Variants in HOMER1 observed in about 807,000 individuals in gnomAD.
The protein encoded by HOMER1 is homer scaffold protein 1.
In HOMER1, 3 loss-of-function variants were observed where a neutral mutation model predicts 48.9. The observed-to-expected ratio is 0.06, with a 90% CI of 0.03 to 0.16. HOMER1 has a LOEUF of 0.16. Among genes scored for constraint, HOMER1 ranks in the 10% least tolerant of loss-of-function variants. The pLI is 1.00. For missense variants in HOMER1, 247 were observed against 411.4 expected (o/e 0.60, Z 3.46); for synonymous variants, 134 against 146.4 (o/e 0.92, Z 0.61).
intron 1 of HOMER1, among the ~76,000 whole-genome samples, chr5:79,472,951 C>G (rs952409763): frequency 6.6e-6 from 1 of 152,188 alleles, no homozygotes; most frequent in Non-Finnish European, 1.5e-5. Context: ...TCAGAATTAT[C>G]TCTGCAGTAT....
At chr5:79,504,435 A>G (rs183708035) in intron 1 of HOMER1, among the ~76,000 whole-genome samples, 2 of 151,628 alleles carry the variant, frequency 1.3e-5, no homozygotes, top group East Asian at 3.9e-4. Flanking sequence ...GGGCACAGAA[A>G]GGTAAAGGGA....
chr5:79,442,520 G>A (rs1303046384), intron 4 of HOMER1, among the ~76,000 whole-genome samples: 1 of 152,196 alleles, frequency 6.6e-6, no homozygotes, highest in Non-Finnish European at 1.5e-5. Flanking sequence ...ATGGGCTGGG[G>A]AGGTACGCAG....
intron 5 of HOMER1, among the ~76,000 whole-genome samples, chr5:79,428,145 A>G (rs1035097911): frequency 2.8e-4 from 42 of 152,222 alleles, no homozygotes; most frequent in Non-Finnish European, 4.6e-4. Flanking sequence ...AGAAATAAAC[A>G]TAAGAAAGCA....
chr5:79,510,459 C>G, intron 1 of HOMER1: 1 of 685,952 alleles, frequency 1.5e-6, no homozygotes, highest in South Asian at 1.4e-5. Flanking sequence ...AACCACACCA[C>G]ACACAACCAG....
At chr5:79,384,869 C>T (rs1469652546) in intron 8 of HOMER1, among the ~76,000 whole-genome samples, 1 of 151,842 alleles carries the variant, frequency 6.6e-6, no homozygotes, top group Non-Finnish European at 1.5e-5. Context: ...ATGATACATC[C>T]CATCAACAGA....
chr5:79,379,318 AT>A (rs1210973017), intron 8 of HOMER1, among the ~76,000 whole-genome samples: 1 of 109,520 alleles, frequency 9.1e-6, no homozygotes, highest in African/African-American at 3.7e-5. Flanking sequence ...ATATAAATAT[AT>A]AAATATTTAT....
chr5:79,466,498 A>AT (rs1751468467), intron 1 of HOMER1, among the ~76,000 whole-genome samples: 1 of 138,332 alleles, frequency 7.2e-6, no homozygotes, highest in Admixed American at 7.9e-5. Flanking sequence ...CCCTGTCTCA[A>AT]AAATAATAAT....
intron 4 of HOMER1, among the ~76,000 whole-genome samples, chr5:79,445,297 T>C (rs1438303644): frequency 6.6e-6 from 1 of 152,094 alleles, no homozygotes; most frequent in Non-Finnish European, 1.5e-5. Flanking sequence ...AAACAATTAC[T>C]ACAGAGGAGA....
At chr5:79,423,683 G>A (rs1034549673) in intron 5 of HOMER1, among the ~76,000 whole-genome samples, 22 of 152,204 alleles carry the variant, frequency 1.4e-4, no homozygotes, top group African/African-American at 4.8e-4. Context: ...ATGGAAGGCC[G>A]TAGGTGGACA....
rs190682524 is a variant in HOMER1, at chr5:79,484,004, C to A, written c.6-26986G>T. Among the ~76,000 whole-genome samples, 18 of 142,438 alleles carry A rather than the reference C, an allele frequency of 1.3e-4. No individual in the cohort carries two copies. In the Admixed American group the frequency reaches 1.4e-3, roughly 11 times the overall value. 93.4% of individuals were successfully genotyped at this position (142,438 alleles called of 152,430 possible). On this transcript the variant is annotated intron_variant, in intron 1 of 8. Coordinates refer to ENST00000334082, the MANE Select transcript of HOMER1 (RefSeq NM_004272.5). ...GAGGTTGCAATGAGCCAAGATCATG[C>A]CACTGCACTCCAGCCTGGGCAACAG...
At chr5:79,474,782 G>A (rs1050382747) in intron 1 of HOMER1, among the ~76,000 whole-genome samples, 4 of 152,004 alleles carry the variant, frequency 2.6e-5, no homozygotes, top group African/African-American at 7.3e-5. Context: ...AAACTGAAAG[G>A]TTACAGATCT....
intron 1 of HOMER1, among the ~76,000 whole-genome samples, chr5:79,505,121 T>A (rs1210089191): frequency 6.6e-6 from 1 of 151,982 alleles, no homozygotes; most frequent in Non-Finnish European, 1.5e-5. Context: ...ATTAGCCAGG[T>A]GTGGTGGTGC....
In HOMER1 at chr5:79,372,954, C is replaced by T. The variant is rs376335312; in HGVS notation, c.*3055G>A. The T allele has an allele frequency of 5.9e-5, 9 of 152,114 alleles. No individual in the cohort carries two copies. In the East Asian group the frequency reaches 1.5e-3, roughly 26 times the overall value. 9.4% of individuals were successfully genotyped at this position (152,114 alleles called of 1,614,324 possible). A position where few individuals can be genotyped will look rare whatever the true frequency, so the allele number is the denominator to read the frequency against. ...TCCCAACAGTTCAATGACAGCAGAA[C>T]ATCAAATCTATGATGGTGCTGGAGA... is the stretch of plus-strand genomic sequence containing the variant. On this transcript the variant is annotated 3_prime_UTR_variant, in exon 9 of 9. Transcript: ENST00000334082.
At chr5:79,485,737 T>C (rs180826560) in intron 1 of HOMER1, among the ~76,000 whole-genome samples, 60 of 152,286 alleles carry the variant, frequency 3.9e-4, no homozygotes, top group African/African-American at 1.4e-3. Flanking sequence ...TGAAGTTGGT[T>C]AGTTTGCTAA....
At chr5:79,498,873 C>T (rs1021684049) in intron 1 of HOMER1, among the ~76,000 whole-genome samples, 24 of 145,454 alleles carry the variant, frequency 1.7e-4, no homozygotes, top group African/African-American at 5.4e-4. Flanking sequence ...CTCGCTCTGT[C>T]GCCAGGCTGG....
At chr5:79,453,992 A>G (rs532536868) in intron 2 of HOMER1, among the ~76,000 whole-genome samples, 2 of 152,370 alleles carry the variant, frequency 1.3e-5, no homozygotes, top group South Asian at 4.1e-4. Flanking sequence ...GATAGAAAAT[A>G]TAACTCTGCT....
intron 8 of HOMER1, among the ~76,000 whole-genome samples, chr5:79,394,371 C>G (rs1749327395): frequency 6.6e-6 from 1 of 152,078 alleles, no homozygotes; most frequent in South Asian, 2.1e-4. Context: ...GAGGAAATTT[C>G]TTTGAATTGG....
chr5:79,415,228 A>ATT lies in HOMER1; in HGVS notation c.528-13175_528-13174dup, dbSNP rs1002499757. On this transcript the variant is annotated intron_variant, in intron 5 of 8. Transcript: ENST00000334082. Reference sequence around the variant, plus strand: ...GCCACCACGCCTGGCTATTTTTTGTATTTTTTTTTTTTGTAGAGACAGGGT... The same window carrying ATT: ...GCCACCACGCCTGGCTATTTTTTGTATTTTTTTTTTTTTTGTAGAGACAGGGT... Among the ~76,000 whole-genome samples the ATT allele has an allele frequency of 2.1e-4, 30 of 142,910 alleles. 1 individual carries two copies. Among genetic ancestry groups the ATT allele is most frequent in the East Asian group, 1.4e-3 (7 of 4,926 alleles). 93.8% of individuals were successfully genotyped at this position (142,910 alleles called of 152,430 possible). A position where few individuals can be genotyped will look rare whatever the true frequency, so the allele number is the denominator to read the frequency against.
chr5:79,474,545 C>T (rs1751708783), intron 1 of HOMER1, among the ~76,000 whole-genome samples: 2 of 152,058 alleles, frequency 1.3e-5, no homozygotes, highest in Non-Finnish European at 2.9e-5. Flanking sequence ...AATGACAGTG[C>T]TAGGCAAAAA....
Sources: gnomAD v4.1 joint callset for allele counts (sites outside exome capture counted in the v4.1 genomes callset) on GRCh38, gnomAD v4.1.1 for gene constraint, MANE v1.5 for transcripts, NCBI Gene and HGNC (gene_info 2026-07-23, HGNC 2026-07-21) for gene names.